The following ZSWIM2 variants were observed in gnomAD, a reference collection of about 807,000 sequenced individuals.
ZSWIM2 encodes E3 ubiquitin-protein ligase ZSWIM2.
A neutral mutation model predicts 48.4 loss-of-function variants in ZSWIM2; 38 were observed. The observed-to-expected ratio is 0.79, with a 90% CI of 0.61 to 1.03. The LOEUF (loss-of-function observed/expected upper bound fraction) is 1.03. Among genes scored for constraint, ZSWIM2 ranks in the 50% least tolerant of loss-of-function variants. The pLI, the probability that ZSWIM2 is intolerant of heterozygous loss-of-function variation, is 0.00. For synonymous variants in ZSWIM2, 240 were observed against 251.3 expected, an observed-to-expected ratio of 0.96 and a Z score of 0.42; for missense variants, 776 against 730.2, an observed-to-expected ratio of 1.06 and a Z score of -0.72.
At chr2:186,831,951 C>T (rs1395887326) in intron 7 of ZSWIM2, among the ~76,000 whole-genome samples, 1 of 151,942 alleles carries the variant, frequency 6.6e-6, no homozygotes, top group African/African-American at 2.4e-5. Context: ...GTGCAGCACA[C>T]CAACATGGCA....
chr2:186,830,297 C>A (rs1301640088), intron 7 of ZSWIM2, among the ~76,000 whole-genome samples: 1 of 151,920 alleles, frequency 6.6e-6, no homozygotes, highest in Non-Finnish European at 1.5e-5. Flanking sequence ...CAGGAGTATC[C>A]CTTGGACCCA....
At position 186,828,990 on chromosome 2, in the gene ZSWIM2, G is replaced by A. The variant is rs564929495; in HGVS notation, c.1096-200C>T. On this transcript the variant is annotated intron_variant, in intron 8 of 8. Transcript: ENST00000295131. ...TATGTAGGGACTGATTTCCATTTTC[G>A]ATATTAAAATGCAAAGACTTTTATG... Among the ~76,000 whole-genome samples the A allele has an allele frequency of 5.9e-4, 90 of 151,906 alleles. No individual in the cohort carries two copies. The Middle Eastern group carries it at 0.014, about 24-fold the overall frequency.
chr2:186,843,878 T>C (rs1436801946), intron 3 of ZSWIM2, among the ~76,000 whole-genome samples: 1 of 151,722 alleles, frequency 6.6e-6, no homozygotes, highest in Non-Finnish European at 1.5e-5. Context: ...TGGTAATTAA[T>C]TATCTGGTAT....
At chr2:186,834,066 A>G (rs1260565916) in intron 5 of ZSWIM2, 36 bp from the exon 6 acceptor site, 2 of 1,524,018 alleles carry the variant, frequency 1.3e-6, no homozygotes, top group African/African-American at 1.4e-5. Flanking sequence ...GCAAGAAAAA[A>G]AAATCCAATT....
chr2:186,835,330 T>C (rs1312995899), intron 5 of ZSWIM2, among the ~76,000 whole-genome samples: 4 of 152,172 alleles, frequency 2.6e-5, no homozygotes, highest in Non-Finnish European at 4.4e-5. Flanking sequence ...TGCAACATAA[T>C]TTACCAAACT....
chr2:186,833,179 T>C lies in ZSWIM2; in HGVS notation c.882A>G (p.Lys294=). 2 of 1,541,640 alleles carry C rather than the reference T, an allele frequency of 1.3e-6. No homozygotes were observed. ...SLEKRADEVV[K]YIDTKNEIEE... is the part of the protein sequence containing the mutation. ...CAATCTCATTTTTAGTATCTATGTATTTTACAACTTCATCTGCTCTTTTTT... is the reference window on the plus strand; with the variant it reads ...CAATCTCATTTTTAGTATCTATGTACTTTACAACTTCATCTGCTCTTTTTT... Residue 294 remains lysine (K), a synonymous_variant, in exon 7 of 9, where the codon AAA becomes AAG. Transcript: ENST00000295131.
At chr2:186,846,827 A>AT (rs57335605) in intron 2 of ZSWIM2, among the ~76,000 whole-genome samples, 1 of 142,418 alleles carries the variant, frequency 7.0e-6, no homozygotes, top group African/African-American at 2.6e-5. Flanking sequence ...ATATATATAT[A>AT]ATGTAATAGA....
Position 186,839,027 on chromosome 2 carries a change from A to T in ZSWIM2, c.426T>A (p.Asp142Glu), listed in dbSNP as rs1318440748. The T allele has an allele frequency of 6.2e-7, 1 of 1,611,710 alleles. No individual in the cohort carries two copies. The highest frequency in any genetic ancestry group is 2.2e-5 in the East Asian group (1 of 44,796). ...GACAAATAGAGCAGATATCCTCTGA[A>T]TCAATTTCCTTCTGTTTAATGTACC... ...EDGYIKQKEI[D>E]SEDICSICQE... The change falls in exon 4 of 9, where the codon GAT becomes GAA. Residue 142 changes from aspartate (D) to glutamate (E), a missense_variant. By Grantham distance (45) the Asp-to-Glu change is conservative (BLOSUM62 2). Coordinates refer to ENST00000295131, the MANE Select transcript of ZSWIM2 (RefSeq NM_182521.3).
intron 4 of ZSWIM2, 56 bp from the exon 5 acceptor site, chr2:186,837,610 T>TCGTA (rs1691817210): frequency 2.7e-6 from 2 of 751,962 alleles, no homozygotes; most frequent in Admixed American, 2.7e-5. Context: ...TACATATCCA[T>TCGTA]TGTATATATA....
At position 186,838,968 on chromosome 2, in the gene ZSWIM2, G is replaced by A; in HGVS notation, c.485C>T (p.Thr162Ile). The change falls in exon 4 of 9, where the codon ACC becomes ATC. Residue 162 changes from threonine (T) to isoleucine (I), a missense_variant. Coordinates refer to ENST00000295131, the MANE Select transcript of ZSWIM2 (RefSeq NM_182521.3). ...ELLLEKKLPV[T>I]FCRFGCGNSI... is the part of the protein sequence containing the mutation. ...AGAAAAAGTACATCACCTGCAAAAG[G>A]TGACAGGAAGCTTTTTCTCTAAAAG... 1 of 1,606,668 alleles carries A rather than the reference G, an allele frequency of 6.2e-7. No individual in the cohort carries two copies. The highest frequency in any genetic ancestry group is 8.5e-7 in the Non-Finnish European group (1 of 1,175,850).
Position 186,839,069 on chromosome 2 carries a change from T to C in ZSWIM2, c.384A>G (p.Glu128=), listed in dbSNP as rs1691855821. The change falls in exon 4 of 9, where the codon GAA becomes GAG. Residue 128 remains glutamate, a synonymous_variant. Coordinates refer to ENST00000295131, the MANE Select transcript of ZSWIM2 (RefSeq NM_182521.3). Reference sequence around the variant, plus strand: ...TAATGTACCCATCTTCTTCAACATGTTCATTTTCGTCATTTGTTCCTGGTT... The same window carrying C: ...TAATGTACCCATCTTCTTCAACATGCTCATTTTCGTCATTTGTTCCTGGTT... ...TPQPGTNDEN[E]HVEEDGYIKQ... 6 of 1,612,056 alleles carry C rather than the reference T, an allele frequency of 3.7e-6. No homozygotes were observed. The East Asian group carries it at 1.3e-4, about 36-fold the overall frequency.
In ZSWIM2 at chr2:186,837,435, T is replaced by A; in HGVS notation, c.614A>T (p.Lys205Ile). ...GTTTTTGAATTCCTCCAAAATCAGT[T>A]TTAATGGTGCAAACTCTTTCCTGCA... ...PLCRKEFAPL[K>I]LILEEFKNSS... The change falls in exon 5 of 9, where the codon AAA (lysine) becomes ATA (isoleucine). Residue 205 changes from lysine (K) to isoleucine (I), a missense_variant. Lys to Ile is a moderately radical substitution (Grantham distance 102). Transcript: ENST00000295131. 1 of 1,612,782 alleles carries A rather than the reference T, an allele frequency of 6.2e-7. No individual in the cohort carries two copies. The highest frequency in any genetic ancestry group is 8.5e-7 in the Non-Finnish European group (1 of 1,179,234).
rs17856918 is a variant in ZSWIM2, at chr2:186,828,256, T to C, written c.1630A>G (p.Met544Val). Residue 544 changes from methionine to valine, a missense_variant, in exon 9 of 9, where the codon ATG (methionine) becomes GTG (valine). Coordinates refer to ENST00000295131, the MANE Select transcript of ZSWIM2 (RefSeq NM_182521.3). ...TTATTACATTTACAGCCTTTGGTCA[T>C]CCGGCTTAGACTAGTGTGAAATTTT... ...SGKFHTSLSR[M>V]TKGCKCNNHN... 0.12 allele frequency: 192,132 copies of C among 1,611,408 alleles called. 15,160 individuals carry two copies. The highest frequency in any genetic ancestry group is 0.4 in the African/African-American group (30,077 of 74,688).
intron 2 of ZSWIM2, among the ~76,000 whole-genome samples, chr2:186,846,961 G>C (rs931397778): frequency 2.0e-5 from 3 of 151,808 alleles, no homozygotes; most frequent in African/African-American, 7.3e-5. Context: ...TCAGTTGTAA[G>C]TGAAAGCTAA....
Position 186,828,646 on chromosome 2 carries a change from T to C in ZSWIM2, c.1240A>G (p.Ile414Val), listed in dbSNP as rs753630661. 1.9e-6 allele frequency: 3 copies of C among 1,613,014 alleles called. No homozygotes were observed. Among genetic ancestry groups the C allele is most frequent in the Non-Finnish European group, 2.5e-6 (3 of 1,179,632 alleles). Reference protein sequence around the residue: ...AHQSVSNRDIIHLSKQKEPDL... With the variant: ...AHQSVSNRDIVHLSKQKEPDL... ...GGTTCTTTCTGCTTTGATAGATGAA[T>C]GATGTCTCTGTTTGAAACAGACTGA... is the stretch of plus-strand genomic sequence containing the variant. The change falls in exon 9 of 9, where the codon ATT becomes GTT. Residue 414 changes from isoleucine to valine, a missense_variant. Physicochemically the swap from Ile to Val is conservative, Grantham distance 29 (BLOSUM62 3). Transcript: ENST00000295131.
intron 7 of ZSWIM2, among the ~76,000 whole-genome samples, chr2:186,830,842 G>C (rs1171412796): frequency 6.6e-6 from 1 of 151,966 alleles, no homozygotes; most frequent in Non-Finnish European, 1.5e-5. Flanking sequence ...AGAAAAAAAA[G>C]CTTGGTTAAA....
rs1235701815 is a variant in ZSWIM2, at chr2:186,828,536, A to G, written c.1350T>C (p.Asp450=). ...TTGGGCTTTGAGGTGTATTCAATTC[A>G]TCAAAATTACACTGAGGTATGCTAG... The part of the protein sequence containing the change: ...ILPSIPQCNF[D]ELNTPQSPKD... The change falls in exon 9 of 9, where the codon GAT becomes GAC. Residue 450 remains aspartate (D), a synonymous_variant. Transcript: ENST00000295131. 1.9e-6 allele frequency: 3 copies of G among 1,613,400 alleles called. No individual in the cohort carries two copies. The highest frequency in any genetic ancestry group is 2.5e-6 in the Non-Finnish European group (3 of 1,179,668).
chr2:186,837,197 G>C, intron 5 of ZSWIM2, 109 bp downstream of exon 5: 1 of 1,160,394 alleles, frequency 8.6e-7, no homozygotes, highest in Non-Finnish European at 1.2e-6. Flanking sequence ...AAGTCAAACA[G>C]TATATGCAGG....
chr2:186,829,981 G>A (rs372058165), intron 7 of ZSWIM2, 101 bp from the exon 8 acceptor site: 39 of 1,188,304 alleles, frequency 3.3e-5, no homozygotes, highest in South Asian at 1.0e-4. Flanking sequence ...TAATGCAATC[G>A]AACCCTAGGT....
Sources: allele counts gnomAD v4.1 joint callset (sites outside exome capture counted in the v4.1 genomes callset), GRCh38; gene constraint gnomAD v4.1.1; transcripts MANE v1.5; gene names NCBI Gene and HGNC (gene_info 2026-07-23, HGNC 2026-07-21).